The following UNC5B variants were observed in gnomAD, a reference collection of about 807,000 sequenced individuals.
UNC5B encodes the protein unc-5 netrin receptor B.
UNC5B carries 56 observed loss-of-function variants against 103.7 expected under a neutral mutation model. The observed-to-expected ratio is 0.54, with a 90% CI of 0.44 to 0.67. The LOEUF is 0.67. UNC5B is among the 30% of genes least tolerant of loss of function. UNC5B has a pLI of 0.00. For synonymous variants in UNC5B, 577 were observed against 542.0 expected (o/e 1.06, Z -0.90); for missense variants, 1,194 against 1,284.5 (o/e 0.93, Z 1.08).
chr10:71,214,420 TG>T (rs1381464828), intron 1 of UNC5B, among the ~76,000 whole-genome samples: 1 of 152,098 alleles, frequency 6.6e-6, no homozygotes, highest in East Asian at 1.9e-4. Flanking sequence ...AATTATGATT[TG>T]GGCAGACTCT....
chr10:71,291,156 C>A, intron 9 of UNC5B, 47 bp downstream of exon 9: 1 of 1,582,656 alleles, frequency 6.3e-7, no homozygotes, highest in Non-Finnish European at 8.6e-7. Flanking sequence ...GCAGGATACC[C>A]AGAGGGCTCT....
In UNC5B at chr10:71,293,862, C is replaced by G. The variant is rs760434239; in HGVS notation, c.2104C>G (p.Pro702Ala). The G allele has an allele frequency of 1.2e-6, 2 of 1,609,062 alleles. No homozygotes were observed. The highest frequency in any genetic ancestry group is 3.3e-5 in the Admixed American group (2 of 59,998). ...VKRLQLAVFA[P>A]ALCTSLEYSL... ...GCGGCTCCAGCTGGCCGTCTTCGCC[C>G]CCGCCCTCTGCACCTCCCTGGAGTA... Residue 702 changes from proline to alanine, a missense_variant, in exon 13 of 17, where the codon CCC (proline) becomes GCC (alanine). Transcript: ENST00000335350.
chr10:71,260,273 G>A (rs1046895278), intron 1 of UNC5B, among the ~76,000 whole-genome samples: 5 of 152,254 alleles, frequency 3.3e-5, no homozygotes, highest in African/African-American at 1.2e-4. Context: ...CAGGATAGGG[G>A]AGGCAAGCAG....
intron 1 of UNC5B, among the ~76,000 whole-genome samples, chr10:71,260,990 A>G (rs983226449): frequency 2.0e-5 from 3 of 152,232 alleles, no homozygotes; most frequent in Admixed American, 1.3e-4. Context: ...TGGTGAGGGC[A>G]GCAGAGCAGC....
At position 71,284,741 on chromosome 10, in the gene UNC5B, A is replaced by G; in HGVS notation, c.326A>G (p.Gln109Arg). Residue 109 changes from glutamine to arginine, a missense_variant, in exon 3 of 17, where the codon CAG becomes CGG. Gln to Arg is a conservative substitution (Grantham distance 43). Coordinates refer to ENST00000335350, the MANE Select transcript of UNC5B (RefSeq NM_170744.5). Reference protein sequence around the residue: ...EATGLRVREVQIEVSRQQVEE... With the variant: ...EATGLRVREVRIEVSRQQVEE... ...CCAGGCCTGCGGGTGCGCGAGGTGC[A>G]GATCGAGGTGTCGCGGCAGCAGGTG... The G allele has an allele frequency of 6.2e-7, 1 of 1,613,914 alleles. No homozygotes were observed. The highest frequency in any genetic ancestry group is 1.1e-5 in the South Asian group (1 of 91,076).
At chr10:71,259,695 G>A (rs1187559585) in intron 1 of UNC5B, among the ~76,000 whole-genome samples, 1 of 152,202 alleles carries the variant, frequency 6.6e-6, no homozygotes, top group Non-Finnish European at 1.5e-5. Context: ...GGAGATTCCT[G>A]TGGATTGTCC....
chr10:71,278,934 C>T (rs935531471), intron 1 of UNC5B, among the ~76,000 whole-genome samples: 1 of 152,210 alleles, frequency 6.6e-6, no homozygotes, highest in Non-Finnish European at 1.5e-5. Context: ...GGCCTGGTTT[C>T]CCCCGCTTCT....
rs1478232875 is a variant in UNC5B, at chr10:71,213,793, G to A, written c.79+729G>A. On this transcript the variant is annotated intron_variant, in intron 1 of 16. Transcript: ENST00000335350. The surrounding 1 kb of genome is among the most constrained non-coding windows in gnomAD (Gnocchi z 4.1). Reference sequence around the variant, plus strand: ...GCGGGTAGGGGTTCTTAGCGATCCTGCGGAGTTTCCTTTTAAATTGGTCAC... The same window carrying A: ...GCGGGTAGGGGTTCTTAGCGATCCTACGGAGTTTCCTTTTAAATTGGTCAC... 6.7e-6 allele frequency among the ~76,000 whole-genome samples: 1 copy of A among 149,902 alleles called. No homozygotes were observed. The highest frequency in any genetic ancestry group is 2.0e-4 in the East Asian group (1 of 5,124).
Position 71,256,606 on chromosome 10 carries a change from G to A in UNC5B, c.80-23215G>A, listed in dbSNP as rs570040426. On this transcript the variant is annotated intron_variant, in intron 1 of 16. Transcript: ENST00000335350. ...ATGGAGCCCAGGTGGGGACTCGGGC[G>A]TGCAGAGGGTGGCACTTCCTGGCAG... 6.1e-4 allele frequency among the ~76,000 whole-genome samples: 93 copies of A among 152,332 alleles called. 1 individual carries two copies. The highest frequency in any genetic ancestry group is 2.2e-3 in the Admixed American group (33 of 15,308).
At chr10:71,268,964 G>A (rs547511664) in intron 1 of UNC5B, among the ~76,000 whole-genome samples, 36 of 152,302 alleles carry the variant, frequency 2.4e-4, no homozygotes, top group African/African-American at 8.2e-4. Flanking sequence ...AACCTGAAAC[G>A]CGTGGCAGGA....
At chr10:71,278,011 G>C (rs184214573) in intron 1 of UNC5B, among the ~76,000 whole-genome samples, 1 of 152,320 alleles carries the variant, frequency 6.6e-6, no homozygotes, top group African/African-American at 2.4e-5. Context: ...TGGGGCAACA[G>C]CCCAAACGCT....
At chr10:71,271,404 T>C (rs1376971309) in intron 1 of UNC5B, among the ~76,000 whole-genome samples, 1 of 152,196 alleles carries the variant, frequency 6.6e-6, no homozygotes, top group Non-Finnish European at 1.5e-5. Flanking sequence ...GCTCCTTGTC[T>C]GGGAGAAGAA....
At chr10:71,281,728 C>T (rs1017689405) in intron 2 of UNC5B, among the ~76,000 whole-genome samples, 2 of 152,248 alleles carry the variant, frequency 1.3e-5, no homozygotes, top group African/African-American at 4.8e-5. Context: ...GGAAGTCACT[C>T]AACCTCTCTG....
intron 1 of UNC5B, among the ~76,000 whole-genome samples, chr10:71,221,134 T>A (rs1201609476): frequency 6.6e-6 from 1 of 152,204 alleles, no homozygotes; most frequent in African/African-American, 2.4e-5. Context: ...CTTGCACGCA[T>A]TATGCAGCCC....
In UNC5B at chr10:71,287,676, G is replaced by A. The variant is rs759839363; in HGVS notation, c.812G>A (p.Arg271Gln). 1.2e-6 allele frequency: 2 copies of A among 1,613,110 alleles called. No homozygotes were observed. The highest frequency in any genetic ancestry group is 2.2e-5 in the East Asian group (1 of 44,768). Residue 271 changes from arginine to glutamine, a missense_variant, in exon 6 of 17, where the codon CGG (arginine) becomes CAG (glutamine). Physicochemically the swap from Arg to Gln is conservative, Grantham distance 43. Coordinates refer to ENST00000335350, the MANE Select transcript of UNC5B (RefSeq NM_170744.5). ...GGCCGAGGCTGGCAGAAGCGCACCCGGACCTGCACCAACCCCGCTCCACTC... is the reference window on the plus strand; with the variant it reads ...GGCCGAGGCTGGCAGAAGCGCACCCAGACCTGCACCAACCCCGCTCCACTC... ...RCGRGWQKRT[R>Q]TCTNPAPLNG...
intron 1 of UNC5B, among the ~76,000 whole-genome samples, chr10:71,254,165 A>C (rs1450524857): frequency 6.6e-6 from 1 of 152,236 alleles, no homozygotes; most frequent in African/African-American, 2.4e-5. Context: ...TATGCAAAGT[A>C]ATGTAAATTA....
chr10:71,290,809 G>A (rs1275873424), intron 8 of UNC5B, 106 bp from the exon 9 acceptor site: 10 of 1,360,062 alleles, frequency 7.4e-6, no homozygotes, highest in Admixed American at 2.4e-5. Context: ...ACTCAGCACC[G>A]GGCCGGTTGG....
chr10:71,280,912 C>T (rs904414934), intron 2 of UNC5B, among the ~76,000 whole-genome samples: 2 of 152,252 alleles, frequency 1.3e-5, no homozygotes, highest in Non-Finnish European at 2.9e-5. Context: ...AGTAGCCTTC[C>T]TGGGTTTTGT....
chr10:71,265,699 C>G (rs912730290), intron 1 of UNC5B, among the ~76,000 whole-genome samples: 1 of 152,172 alleles, frequency 6.6e-6, no homozygotes, highest in Non-Finnish European at 1.5e-5. Flanking sequence ...CTCTTCCTCC[C>G]TAAGGAGAGG....
Sources: gnomAD v4.1 joint callset for allele counts (sites outside exome capture counted in the v4.1 genomes callset) on GRCh38, gnomAD v4.1.1 for gene constraint, Gnocchi (gnomAD v3.1) non-coding constraint, MANE v1.5 for transcripts, NCBI Gene and HGNC (gene_info 2026-07-23, HGNC 2026-07-21) for gene names.